Variants in SGCZ observed in about 807,000 individuals in gnomAD.
SGCZ encodes the protein sarcoglycan zeta, also known as zeta-sarcoglycan.
Under a neutral mutation model 41.3 loss-of-function variants are expected in SGCZ, and 40 were observed. That is an observed-to-expected ratio of 0.97 (90% CI 0.75 to 1.26). The LOEUF (loss-of-function observed/expected upper bound fraction) is 1.26. SGCZ is among the 50% of genes most tolerant of loss of function. The pLI is 0.00. For synonymous variants in SGCZ, 206 were observed against 137.5 expected, an observed-to-expected ratio of 1.50 and a Z score of -3.49; for missense variants, 552 against 369.8, an observed-to-expected ratio of 1.49 and a Z score of -4.04.
At chr8:14,532,619 A>G (rs1284914308) in intron 2 of SGCZ, among the ~76,000 whole-genome samples, 3 of 150,420 alleles carry the variant, frequency 2.0e-5, no homozygotes, top group Non-Finnish European at 4.4e-5. Context: ...ATGTAAGAGG[A>G]AACTATCACC....
At chr8:14,397,461 AT>A (rs1798951313) in intron 2 of SGCZ, among the ~76,000 whole-genome samples, 1 of 152,154 alleles carries the variant, frequency 6.6e-6, no homozygotes, top group African/African-American at 2.4e-5. Flanking sequence ...TTACCATAAA[AT>A]AATTATAAAT....
At chr8:14,227,334 C>A (rs1484075866) in intron 4 of SGCZ, among the ~76,000 whole-genome samples, 6 of 151,946 alleles carry the variant, frequency 3.9e-5, no homozygotes, top group Admixed American at 1.3e-4. Flanking sequence ...TGTTCTAATT[C>A]CTTTGGGAAG....
chr8:15,009,172 C>T (rs1021274453), intron 1 of SGCZ, among the ~76,000 whole-genome samples: 1 of 152,184 alleles, frequency 6.6e-6, no homozygotes, highest in South Asian at 2.1e-4. Context: ...CATGCTTACA[C>T]AGACTGTACA....
rs188663440 is a variant in SGCZ, at chr8:14,972,670, T to C, written c.39+264915A>G. 2.6e-5 allele frequency among the ~76,000 whole-genome samples: 4 copies of C among 152,304 alleles called. 1 individual carries two copies. The highest frequency in any genetic ancestry group is 3.9e-4 in the East Asian group (2 of 5,182). On this transcript the variant is annotated intron_variant, in intron 1 of 7. Coordinates refer to ENST00000382080, the MANE Select transcript of SGCZ (RefSeq NM_139167.4). Reference sequence around the variant, plus strand: ...CTTTCTTTAACTTTTTATATCGTTATTTTAGAGGCTGCTCTAAAGTTTATG... The same window carrying C: ...CTTTCTTTAACTTTTTATATCGTTACTTTAGAGGCTGCTCTAAAGTTTATG...
intron 1 of SGCZ, among the ~76,000 whole-genome samples, chr8:15,040,769 G>T (rs931254144): frequency 6.6e-6 from 1 of 152,136 alleles, no homozygotes; most frequent in South Asian, 2.1e-4. Flanking sequence ...AAAAAGTCAC[G>T]TCACTAGGGT....
At position 14,314,185 on chromosome 8, in the gene SGCZ, C is replaced by T. The variant is rs192772579; in HGVS notation, c.336+9918G>A. On this transcript the variant is annotated intron_variant, in intron 3 of 7. Coordinates refer to ENST00000382080, the MANE Select transcript of SGCZ (RefSeq NM_139167.4). ...CTTTTTTGTTTGTTTATTTTTAAGTCCAAAGAATGTCGCACCTCTGCAACC... is the reference window on the plus strand; with the variant it reads ...CTTTTTTGTTTGTTTATTTTTAAGTTCAAAGAATGTCGCACCTCTGCAACC... Among the ~76,000 whole-genome samples the T allele has an allele frequency of 2.6e-5, 4 of 152,078 alleles. No homozygotes were observed. In the East Asian group the frequency reaches 7.7e-4, roughly 29 times the overall value.
At chr8:14,309,136 G>T (rs1296981109) in intron 3 of SGCZ, 1 of 1,463,942 alleles carries the variant, frequency 6.8e-7, no homozygotes, top group Non-Finnish European at 9.5e-7. Context: ...ATCCCCTACA[G>T]AACAGATGGG....
Position 15,032,481 on chromosome 8 carries a change from G to C in SGCZ, c.39+205104C>G, listed in dbSNP as rs564725657. Among the ~76,000 whole-genome samples the C allele has an allele frequency of 9.2e-5, 14 of 152,180 alleles. No individual in the cohort carries two copies. In the East Asian group the frequency reaches 2.7e-3, roughly 30 times the overall value. On this transcript the variant is annotated intron_variant, in intron 1 of 7. Coordinates refer to ENST00000382080, the MANE Select transcript of SGCZ (RefSeq NM_139167.4). ...ACCAGGCCCACTCTAGTAAAATGCA[G>C]TGCCACCCAGGCCCCAGATGCCAGG... is the stretch of plus-strand genomic sequence containing the variant.
At chr8:15,105,320 T>A (rs1412463468) in intron 1 of SGCZ, among the ~76,000 whole-genome samples, 2 of 152,096 alleles carry the variant, frequency 1.3e-5, no homozygotes, top group Non-Finnish European at 2.9e-5. Context: ...CTCACACACA[T>A]CCCTCACACT....
At chr8:14,136,814 G>A (rs1002813004) in intron 5 of SGCZ, among the ~76,000 whole-genome samples, 4 of 152,146 alleles carry the variant, frequency 2.6e-5, no homozygotes, top group African/African-American at 7.2e-5. Flanking sequence ...TCCCACCATG[G>A]AGTTTGAGAT....
At chr8:14,527,826 T>TA (rs1202731559) in intron 2 of SGCZ, among the ~76,000 whole-genome samples, 9 of 152,196 alleles carry the variant, frequency 5.9e-5, no homozygotes, top group African/African-American at 2.2e-4. Context: ...TAACAATTCT[T>TA]AGGCTCTCAT....
chr8:14,775,449 T>G (rs1264128586), intron 1 of SGCZ, among the ~76,000 whole-genome samples: 1 of 138,354 alleles, frequency 7.2e-6, no homozygotes, highest in Non-Finnish European at 1.5e-5. Flanking sequence ...GTATGCTGAG[T>G]AGAATATTTG....
intron 3 of SGCZ, among the ~76,000 whole-genome samples, chr8:14,249,312 T>C (rs1301970248): frequency 6.6e-6 from 1 of 152,164 alleles, no homozygotes; most frequent in African/African-American, 2.4e-5. Flanking sequence ...CCTTCATGTT[T>C]GGTTTAGCAT....
intron 1 of SGCZ, among the ~76,000 whole-genome samples, chr8:14,616,274 C>T (rs1214547210): frequency 1.5e-5 from 2 of 136,286 alleles, no homozygotes; most frequent in African/African-American, 5.6e-5. Context: ...CAGAGCGAGA[C>T]TCTGTCTCAA....
intron 1 of SGCZ, among the ~76,000 whole-genome samples, chr8:14,658,287 C>A (rs1369294896): frequency 6.6e-6 from 1 of 152,180 alleles, no homozygotes; most frequent in Non-Finnish European, 1.5e-5. Flanking sequence ...CTACTTCTTA[C>A]CTTACTGGGA....
chr8:14,460,873 A>C (rs1439927842), intron 2 of SGCZ, among the ~76,000 whole-genome samples: 1 of 152,164 alleles, frequency 6.6e-6, no homozygotes, highest in Non-Finnish European at 1.5e-5. Context: ...ATTCCTTAAT[A>C]TTTAATAAAA....
At chr8:14,841,270 C>T (rs1375825494) in intron 1 of SGCZ, among the ~76,000 whole-genome samples, 3 of 152,110 alleles carry the variant, frequency 2.0e-5, no homozygotes, top group South Asian at 4.1e-4. Flanking sequence ...TTCTCTTCTG[C>T]TGCATCTACA....
intron 2 of SGCZ, among the ~76,000 whole-genome samples, chr8:14,462,814 C>A (rs1384900705): frequency 6.6e-6 from 1 of 151,742 alleles, no homozygotes; most frequent in African/African-American, 2.4e-5. Flanking sequence ...TGGGGTAATA[C>A]TGTCATCTTA....
intron 1 of SGCZ, among the ~76,000 whole-genome samples, chr8:14,992,389 C>A (rs372891091): frequency 6.7e-6 from 1 of 148,722 alleles, no homozygotes; most frequent in Non-Finnish European, 1.5e-5. Context: ...TGCTATTTAC[C>A]TCTCACCCTC....
Sources: gnomAD v4.1 joint callset for allele counts (sites outside exome capture counted in the v4.1 genomes callset) on GRCh38, gnomAD v4.1.1 for gene constraint, MANE v1.5 for transcripts, NCBI Gene and HGNC (gene_info 2026-07-23, HGNC 2026-07-21) for gene names.